The following PCDH15 variants were observed in gnomAD, a reference collection of about 807,000 sequenced individuals.
PCDH15 encodes protocadherin related 15.
In PCDH15, 129 loss-of-function variants were observed where a neutral mutation model predicts 178.5. The ratio of observed to expected loss-of-function variants is 0.72; its 90% CI spans 0.63 to 0.84. The LOEUF is 0.84. PCDH15 is among the 40% of genes least tolerant of loss of function. PCDH15 has a pLI of 0.00. For synonymous variants in PCDH15, 800 were observed against 732.0 expected (o/e 1.09, Z -1.50); for missense variants, 2,230 against 2,099.9 (o/e 1.06, Z -1.21).
At chr10:54,100,345 A>G (rs1489327590) in intron 15 of PCDH15, among the ~76,000 whole-genome samples, 2 of 151,230 alleles carry the variant, frequency 1.3e-5, no homozygotes, top group African/African-American at 2.4e-5. Flanking sequence ...AGCCTGAGTG[A>G]CAGAGCAAGA....
intron 3 of PCDH15, among the ~76,000 whole-genome samples, chr10:54,868,009 T>G (rs973950905): frequency 2.0e-5 from 3 of 152,212 alleles, no homozygotes; most frequent in African/African-American, 4.8e-5. Flanking sequence ...GTGATATGTG[T>G]GTTAATTAGC....
At chr10:53,852,171 G>A (rs1467221340) in intron 28 of PCDH15, among the ~76,000 whole-genome samples, 2 of 151,940 alleles carry the variant, frequency 1.3e-5, no homozygotes, top group Non-Finnish European at 2.9e-5. Flanking sequence ...GTTATAAAAT[G>A]CAAACATTTC....
chr10:55,120,518 G>T (rs1591918125), intron 2 of PCDH15, among the ~76,000 whole-genome samples: 1 of 152,130 alleles, frequency 6.6e-6, no homozygotes, highest in Admixed American at 6.5e-5. Context: ...TTCCAATTTT[G>T]GAGAATAAAT....
At chr10:54,693,734 A>G (rs2095170525) in intron 1 of PCDH15, among the ~76,000 whole-genome samples, 4 of 152,108 alleles carry the variant, frequency 2.6e-5, no homozygotes, top group Admixed American at 2.6e-4. Flanking sequence ...AATTGGCTAG[A>G]TTGGAGAGTT....
rs113226346 is a variant in PCDH15 at position 54,986,361 on chromosome 10, A to G, written c.-79-88861T>C. 9.5e-3 allele frequency among the ~76,000 whole-genome samples: 1,448 copies of G among 152,144 alleles called. 28 individuals carry two copies. Among genetic ancestry groups the G allele is most frequent in the African/African-American group, 0.033 (1,369 of 41,486 alleles). On this transcript the variant is annotated intron_variant, in intron 2 of 5. Coordinates refer to the PCDH15 transcript ENST00000458638. ...AGGATTGAGAAAAAAAAAATATGAC[A>G]TATATCTGGAAAAGTACAACTCCAG...
intron 1 of PCDH15, among the ~76,000 whole-genome samples, chr10:54,709,593 C>CATATATATATATAT (rs35055187): frequency 3.2e-5 from 3 of 94,820 alleles, no homozygotes; most frequent in Non-Finnish European, 4.3e-5. Flanking sequence ...ACAAATAATT[C>CATATATATATATAT]ATATATATAT....
chr10:54,975,826 T>C (rs896916023), intron 2 of PCDH15, among the ~76,000 whole-genome samples: 2 of 152,176 alleles, frequency 1.3e-5, no homozygotes, highest in African/African-American at 4.8e-5. Context: ...AATAAGGCTA[T>C]ATCATAAATT....
chr10:54,681,433 A>G (rs573198036), intron 1 of PCDH15, among the ~76,000 whole-genome samples: 1 of 152,260 alleles, frequency 6.6e-6, no homozygotes, highest in Non-Finnish European at 1.5e-5. Context: ...CAGAAAAATA[A>G]AGGGTATGTG....
At chr10:54,006,923 A>G (rs909277825) in intron 20 of PCDH15, among the ~76,000 whole-genome samples, 1 of 152,022 alleles carries the variant, frequency 6.6e-6, no homozygotes, top group Admixed American at 6.6e-5. Flanking sequence ...ACCAAGGGTC[A>G]ATCTAGTCTC....
chr10:55,042,287 G>A (rs987982170), intron 2 of PCDH15, among the ~76,000 whole-genome samples: 9 of 152,074 alleles, frequency 5.9e-5, no homozygotes, highest in African/African-American at 2.2e-4. Flanking sequence ...TAGACTACTT[G>A]GAGAGGGCCT....
chr10:53,906,792 C>T (rs888748398), intron 25 of PCDH15: 7 of 119,080 alleles, frequency 5.9e-5, no homozygotes, highest in African/African-American at 2.4e-4. Flanking sequence ...TACCCCACCC[C>T]TTATTCCTCT....
intron 3 of PCDH15, among the ~76,000 whole-genome samples, chr10:54,527,187 T>C (rs1589901850): frequency 6.6e-6 from 1 of 152,090 alleles, no homozygotes; most frequent in African/African-American, 2.4e-5. Flanking sequence ...AGAGTCAAGG[T>C]GGCCGATGCA....
chr10:55,510,233 G>T (rs1236147936), intron 2 of PCDH15, among the ~76,000 whole-genome samples: 3 of 151,846 alleles, frequency 2.0e-5, no homozygotes, highest in African/African-American at 7.3e-5. Flanking sequence ...TGAATATTTG[G>T]ATGGGAAAAA....
intron 5 of PCDH15, among the ~76,000 whole-genome samples, chr10:54,348,453 A>C (rs1298762142): frequency 6.6e-6 from 1 of 152,194 alleles, no homozygotes; most frequent in African/African-American, 2.4e-5. Context: ...ATTGCTTCCA[A>C]GCTGACGTTC....
chr10:53,901,349 A>G (rs1235784500), intron 26 of PCDH15, among the ~76,000 whole-genome samples: 1 of 152,086 alleles, frequency 6.6e-6, no homozygotes, highest in African/African-American at 2.4e-5. Flanking sequence ...TTCAGGACAA[A>G]AACCACCAAG....
chr10:55,190,947 T>C (rs965269566), intron 1 of PCDH15, among the ~76,000 whole-genome samples: 8 of 151,836 alleles, frequency 5.3e-5, no homozygotes, highest in East Asian at 1.9e-4. Context: ...ATGCAGTCTG[T>C]TGTATTTAAT....
intron 3 of PCDH15, among the ~76,000 whole-genome samples, chr10:54,479,670 T>C (rs10825336): frequency 0.091 from 13,822 of 152,050 alleles, 812 homozygotes; most frequent in East Asian, 0.28. Context: ...CCGCTACTTA[T>C]GCTTTTTTCC....
chr10:55,377,118 A>G (rs532562490), intron 2 of PCDH15, among the ~76,000 whole-genome samples: 9 of 149,872 alleles, frequency 6.0e-5, no homozygotes, highest in South Asian at 2.1e-4. Context: ...CTTCTTGGCT[A>G]TTAACTTTGT....
chr10:54,132,640 C>A (rs981384918), intron 15 of PCDH15, among the ~76,000 whole-genome samples: 5 of 152,160 alleles, frequency 3.3e-5, no homozygotes, highest in African/African-American at 1.2e-4. Flanking sequence ...TGCAGCTAAT[C>A]CCTGCCTGCC....
Sources: allele counts gnomAD v4.1 joint callset (sites outside exome capture counted in the v4.1 genomes callset), GRCh38; gene constraint gnomAD v4.1.1; transcripts MANE v1.5; gene names NCBI Gene and HGNC (gene_info 2026-07-23, HGNC 2026-07-21).